PMEPA1: variants seen among roughly 807,000 people sequenced by gnomAD.
The protein encoded by PMEPA1 is prostate transmembrane protein, androgen induced 1.
PMEPA1 carries 11 observed loss-of-function variants against 23.0 expected under a neutral mutation model. That is an observed-to-expected ratio of 0.48 (90% CI 0.30 to 0.79). PMEPA1 has a LOEUF of 0.79. Among genes scored for constraint, PMEPA1 ranks in the 30% least tolerant of loss-of-function variants. The probability of loss-of-function intolerance (pLI) is 0.06; values close to 1 mark genes in which losing one functional copy is unlikely to be tolerated. For missense variants in PMEPA1, 377 were observed against 390.9 expected (o/e 0.96, Z 0.30); for synonymous variants, 204 against 166.4 (o/e 1.23, Z -1.74).
At chr20:57,685,646 T>C (rs867578733) in intron 1 of PMEPA1, among the ~76,000 whole-genome samples, 4 of 151,974 alleles carry the variant, frequency 2.6e-5, no homozygotes, top group African/African-American at 7.3e-5. Flanking sequence ...AACCATCATC[T>C]GTGATTGGGC....
intron 1 of PMEPA1, among the ~76,000 whole-genome samples, chr20:57,693,707 GA>G (rs1006586092): frequency 6.7e-6 from 1 of 149,706 alleles, no homozygotes; most frequent in Non-Finnish European, 1.5e-5. Flanking sequence ...AAATTAAGGA[GA>G]TTTTTTTTTT....
rs2071225912 is a variant in PMEPA1, at chr20:57,651,389, GAGAAGTTTCCATCAAGC to G, written c.*647_*663del. On this transcript the variant is annotated 3_prime_UTR_variant, in exon 4 of 4. Coordinates refer to ENST00000341744, the MANE Select transcript of PMEPA1 (RefSeq NM_020182.5). Reference sequence around the variant, plus strand: ...TCCCTTAAAGTCTCAACAGACACAAGAGAAGTTTCCATCAAGCAAGCACTGACATATTTATATTAAAA... The same window carrying G: ...TCCCTTAAAGTCTCAACAGACACAAGAAGCACTGACATATTTATATTAAAA... The G allele has an allele frequency of 1.3e-5, 2 of 152,674 alleles. No homozygotes were observed. Among genetic ancestry groups the G allele is most frequent in the African/African-American group, 4.8e-5 (2 of 41,454 alleles). The allele number at this position is 152,674 out of a possible 1,614,324, so 9.5% of individuals were successfully genotyped here. A position where few individuals can be genotyped will look rare whatever the true frequency, so the allele number is the denominator to read the frequency against.
chr20:57,711,387 C>T (rs911157), upstream of PMEPA1: 27,476 of 152,048 alleles, frequency 0.18, 2,647 homozygotes, highest in Admixed American at 0.26. Context: ...TGGGTTCCCG[C>T]TCTCCCTGCA....
chr20:57,683,097 G>A lies in PMEPA1; in HGVS notation c.110-23400C>T, dbSNP rs2071742828. The stretch of plus-strand genomic sequence containing the variant: ...CTCCGGGGGCATTTACGCCACACTT[G>A]TCCTTAAGCTCAGATCTCCCTGAGC... On this transcript the variant is annotated intron_variant, in intron 1 of 3. Coordinates refer to ENST00000341744, the MANE Select transcript of PMEPA1 (RefSeq NM_020182.5). The surrounding 1 kb of genome is among the most constrained non-coding windows in gnomAD (Gnocchi z 4.3). 6.6e-6 allele frequency among the ~76,000 whole-genome samples: 1 copy of A among 152,210 alleles called. No homozygotes were observed. Among genetic ancestry groups the A allele is most frequent in the Admixed American group, 6.5e-5 (1 of 15,286 alleles).
chr20:57,662,147 G>A (rs6123717), intron 1 of PMEPA1, among the ~76,000 whole-genome samples: 20,399 of 152,236 alleles, frequency 0.13, 1,661 homozygotes, highest in East Asian at 0.35. Context: ...AACATGTGGC[G>A]ATGTCTGGAG....
intron 1 of PMEPA1, among the ~76,000 whole-genome samples, chr20:57,664,716 G>A (rs1238977822): frequency 6.6e-6 from 1 of 152,148 alleles, no homozygotes; most frequent in Non-Finnish European, 1.5e-5. Context: ...GGCCCAGCGC[G>A]GCCGCATCCC....
chr20:57,670,801 G>A (rs980838828), intron 1 of PMEPA1, among the ~76,000 whole-genome samples: 2 of 152,198 alleles, frequency 1.3e-5, no homozygotes, highest in African/African-American at 2.4e-5. Context: ...CAGGTTAGGG[G>A]CGGGCTGCCT....
chr20:57,669,142 C>CATTTATTT (rs10523107), intron 1 of PMEPA1, among the ~76,000 whole-genome samples: 25,711 of 145,438 alleles, frequency 0.18, 2,411 homozygotes, highest in Middle Eastern at 0.22. Context: ...TAAAAAAGCA[C>CATTTATTT]ATTTATTTAT....
chr20:57,671,401 T>A (rs929519625), intron 1 of PMEPA1, among the ~76,000 whole-genome samples: 2 of 152,114 alleles, frequency 1.3e-5, no homozygotes, highest in Admixed American at 1.3e-4. Context: ...ACGGCCACAG[T>A]CTTCTTGGAG....
At position 57,652,335 on chromosome 20, in the gene PMEPA1, A is replaced by G. The variant is rs1242555338; in HGVS notation, c.582T>C (p.Ser194=). The change falls in exon 4 of 4, where the codon AGT becomes AGC. Residue 194 remains serine (S), a synonymous_variant. Coordinates refer to ENST00000341744, the MANE Select transcript of PMEPA1 (RefSeq NM_020182.5). This position sits in a 1 kb window ranked among gnomAD's most constrained non-coding sequence, Gnocchi z 6.1. The stretch of plus-strand genomic sequence containing the variant: ...CCAGCCTGGCACTATCCATCAGGTC[A>G]CTGTCGAAGATGGTTCTGTTTGGGG... ...RAPPNRTIFD[S]DLMDSARLGG... 2 of 1,612,620 alleles carry G rather than the reference A, an allele frequency of 1.2e-6. No individual in the cohort carries two copies. The highest frequency in any genetic ancestry group is 1.7e-6 in the Non-Finnish European group (2 of 1,179,844).
rs937066301 is a variant in PMEPA1 at position 57,659,566 on chromosome 20, T to C, written c.241A>G (p.Arg81Gly). 10 of 1,613,814 alleles carry C rather than the reference T, an allele frequency of 6.2e-6. No individual in the cohort carries two copies. The highest frequency in any genetic ancestry group is 1.3e-5 in the African/African-American group (1 of 74,922). Residue 81 changes from arginine to glycine, a missense_variant, in exon 2 of 4, where the codon AGG becomes GGG. This residue lies in a region of PMEPA1 where 198 missense variants were observed against 196.3 expected (regional missense o/e 1.01). Coordinates refer to ENST00000341744, the MANE Select transcript of PMEPA1 (RefSeq NM_020182.5). ...SFISRHSQGR[R>G]REDALSSEGC... is the part of the protein sequence containing the mutation. ...ACTGAGGACAGGGCATCTTCTCTCCTCCGCCCCTGGCTGTGCCGGCTGATG... is the reference window on the plus strand; with the variant it reads ...ACTGAGGACAGGGCATCTTCTCTCCCCCGCCCCTGGCTGTGCCGGCTGATG...
rs1241992584 is a variant in PMEPA1, at chr20:57,651,110, T to C, written c.*943A>G. 1.3e-5 allele frequency: 2 copies of C among 152,272 alleles called. No individual in the cohort carries two copies. Among genetic ancestry groups the C allele is most frequent in the Non-Finnish European group, 2.9e-5 (2 of 68,036 alleles). The allele number at this position is 152,272 out of a possible 1,614,324, so 9.4% of individuals were successfully genotyped here. A position where few individuals can be genotyped will look rare whatever the true frequency, so the allele number is the denominator to read the frequency against. ...TTTTGGGAAAGGCAAAACCACTACCTGGAACTCGGTGCCTCCGTGGTTAAC... is the reference window on the plus strand; with the variant it reads ...TTTTGGGAAAGGCAAAACCACTACCCGGAACTCGGTGCCTCCGTGGTTAAC... On this transcript the variant is annotated 3_prime_UTR_variant, in exon 4 of 4. Transcript: ENST00000341744.
intron 1 of PMEPA1, among the ~76,000 whole-genome samples, chr20:57,696,733 C>T (rs569263188): frequency 3.2e-4 from 48 of 152,346 alleles, no homozygotes; most frequent in African/African-American, 1.1e-3. Flanking sequence ...CCCTCAACTC[C>T]GCTCTGAGTC....
chr20:57,709,460 G>C lies in PMEPA1; in HGVS notation c.109+14C>G. 9.0e-7 allele frequency: 1 copy of C among 1,106,618 alleles called. No homozygotes were observed. The highest frequency in any genetic ancestry group is 1.1e-6 in the Non-Finnish European group (1 of 890,314). 68.5% of individuals were successfully genotyped at this position (1,106,618 alleles called of 1,614,324 possible). A position where few individuals can be genotyped will look rare whatever the true frequency, so the allele number is the denominator to read the frequency against. ...CGATGGAGTCTCCGGGGAGGGGGGC[G>C]TGGGGTCACTCACTGATCTCCATGC... On this transcript the variant is annotated intron_variant, in intron 1 of 3. Transcript: ENST00000341744.
intron 1 of PMEPA1, among the ~76,000 whole-genome samples, chr20:57,672,169 C>A (rs1056500120): frequency 6.6e-6 from 1 of 152,240 alleles, no homozygotes; most frequent in African/African-American, 2.4e-5. Flanking sequence ...TTTTTTAAAT[C>A]TTAATAACAT....
intron 1 of PMEPA1, among the ~76,000 whole-genome samples, chr20:57,703,810 G>C (rs1226782978): frequency 6.6e-6 from 1 of 152,148 alleles, no homozygotes; most frequent in Non-Finnish European, 1.5e-5. Flanking sequence ...GGACCATCGA[G>C]TCCAATCCGC....
chr20:57,671,616 C>T (rs1228030721), intron 1 of PMEPA1, among the ~76,000 whole-genome samples: 2 of 152,122 alleles, frequency 1.3e-5, no homozygotes, highest in African/African-American at 4.8e-5. Flanking sequence ...TTCAAATGAT[C>T]AACCAGAGAC....
intron 1 of PMEPA1, among the ~76,000 whole-genome samples, chr20:57,661,454 C>A (rs918336054): frequency 6.6e-6 from 1 of 152,220 alleles, no homozygotes; most frequent in Admixed American, 6.5e-5. Context: ...TGTGACTCCC[C>A]AGACCCCGGC....
chr20:57,669,195 C>G (rs965466296), intron 1 of PMEPA1, among the ~76,000 whole-genome samples: 1 of 146,854 alleles, frequency 6.8e-6, no homozygotes, highest in Non-Finnish European at 1.5e-5. Context: ...CAGAGTCTCA[C>G]TCTGTCGCCC....
Sources: gnomAD v4.1 joint callset for allele counts (sites outside exome capture counted in the v4.1 genomes callset) on GRCh38, gnomAD v4.1.1 for gene constraint, gnomAD v4.1.1 regional missense constraint, Gnocchi (gnomAD v3.1) non-coding constraint, MANE v1.5 for transcripts, NCBI Gene and HGNC (gene_info 2026-07-23, HGNC 2026-07-21) for gene names.